The following SLC22A25 variants were observed in gnomAD, a reference collection of about 807,000 sequenced individuals.
The protein encoded by SLC22A25 is solute carrier family 22 member 25.
A neutral mutation model predicts 45.9 loss-of-function variants in SLC22A25; 44 were observed. The ratio of observed to expected loss-of-function variants is 0.96; its 90% confidence interval spans 0.75 to 1.23. The LOEUF is 1.23. Ranked by LOEUF, SLC22A25 falls within the 50% of genes most tolerant of loss-of-function variation. The pLI, the probability that SLC22A25 is intolerant of heterozygous loss-of-function variation, is 0.00. For missense variants in SLC22A25, 800 were observed against 666.4 expected (o/e 1.20, Z -2.21); for synonymous variants, 283 against 238.6 (o/e 1.19, Z -1.72).
At position 63,162,048 on chromosome 11, in the gene SLC22A25, T is replaced by C. The variant is rs543638265; in HGVS notation, c.*1776A>G. On this transcript the variant is annotated 3_prime_UTR_variant, in exon 12 of 12. Transcript: ENST00000306494. ...GATGTTCAGCACTTTTTCCTATGAC[T>C]GTTTGACATCTGTATGTCTTCTTTT... Among the ~76,000 whole-genome samples, 1 of 152,342 alleles carries C rather than the reference T, an allele frequency of 6.6e-6. No homozygotes were observed. Among genetic ancestry groups the C allele is most frequent in the East Asian group, 1.9e-4 (1 of 5,192 alleles).
intron 9 of SLC22A25, among the ~76,000 whole-genome samples, chr11:63,179,853 A>C (rs1402417056): frequency 6.6e-6 from 1 of 152,126 alleles, no homozygotes; most frequent in Non-Finnish European, 1.5e-5. Flanking sequence ...GACCTTAGGC[A>C]TCCAAATATG....
intron 7 of SLC22A25, among the ~76,000 whole-genome samples, chr11:63,195,737 C>G (rs2089000993): frequency 6.6e-6 from 1 of 152,008 alleles, no homozygotes; most frequent in Non-Finnish European, 1.5e-5. Flanking sequence ...TAGCAGAAGG[C>G]AAGAAATAAC....
At chr11:63,180,558 AT>A in intron 9 of SLC22A25, 101 bp downstream of exon 9, 1 of 787,368 alleles carries the variant, frequency 1.3e-6, no homozygotes, top group Non-Finnish European at 2.0e-6. Flanking sequence ...ATCATCTTTT[AT>A]CCCCCAAATA....
chr11:63,236,278 T>C (rs1365931125), intron 3 of SLC22A25, among the ~76,000 whole-genome samples: 1 of 152,182 alleles, frequency 6.6e-6, no homozygotes, highest in African/African-American at 2.4e-5. Flanking sequence ...CCTTGAGATG[T>C]GGTGGGCTCC....
chr11:63,164,747 C>T, intron 10 of SLC22A25, 113 bp from the exon 11 acceptor site: 1 of 800,834 alleles, frequency 1.2e-6, no homozygotes, highest in Non-Finnish European at 2.1e-6. Flanking sequence ...GTAAAATGTA[C>T]TGTAGGAAAA....
intron 5 of SLC22A25, among the ~76,000 whole-genome samples, chr11:63,227,918 G>A (rs1370331821): frequency 6.6e-6 from 1 of 152,194 alleles, no homozygotes; most frequent in Non-Finnish European, 1.5e-5. Flanking sequence ...TGGCAGCACT[G>A]AGTCCCAATG....
chr11:63,183,652 A>C lies in SLC22A25; in HGVS notation c.954+42T>G, dbSNP rs11820377. ...CACCAACAAGTATAGATGACAATTT[A>C]TGTCTTCCCAGCATCCCATATCCAG... On this transcript the variant is annotated intron_variant, in intron 8 of 11. Coordinates refer to ENST00000306494, the MANE Select transcript of SLC22A25 (RefSeq NM_199352.6). 8.1e-6 allele frequency: 13 copies of C among 1,610,098 alleles called. 1 individual carries two copies. The highest frequency in any genetic ancestry group is 2.2e-5 in the South Asian group (2 of 90,642).
At chr11:63,188,596 T>G (rs1220110350) in intron 7 of SLC22A25, among the ~76,000 whole-genome samples, 1 of 152,178 alleles carries the variant, frequency 6.6e-6, no homozygotes, top group Non-Finnish European at 1.5e-5. Flanking sequence ...AGCTTTTGAA[T>G]GTGTTTGCTC....
intron 7 of SLC22A25, among the ~76,000 whole-genome samples, chr11:63,215,911 C>T (rs1037354382): frequency 6.6e-6 from 1 of 152,288 alleles, no homozygotes; most frequent in Non-Finnish European, 1.5e-5. Context: ...GGATGATACC[C>T]TCCAGCTCCA....
At position 63,217,456 on chromosome 11, in the gene SLC22A25, AGAATTGGT is replaced by A; in HGVS notation, c.680_687del (p.His227LeufsTer13). 1 of 1,614,110 alleles carries A rather than the reference AGAATTGGT, an allele frequency of 6.2e-7. No individual in the cohort carries two copies. Among genetic ancestry groups the A allele is most frequent in the South Asian group, 1.1e-5 (1 of 91,086 alleles). On this transcript the variant is annotated frameshift_variant, in exon 7 of 12. Transcript: ENST00000306494. LOFTEE classifies it high-confidence loss of function. ...AGTGTCAATGTCAATGCCATGGCAC[AGAATTGGT>A]GAGTTATCCACTCTACAACTGAAAG...
At chr11:63,220,117 G>T in intron 5 of SLC22A25, 3 of 849,740 alleles carry the variant, frequency 3.5e-6, no homozygotes, top group Non-Finnish European at 5.1e-6. Context: ...CTTACCTTTT[G>T]TTGTAAGGTA....
In SLC22A25 at chr11:63,160,270, T is replaced by C. The variant is rs1451666001; in HGVS notation, c.*3554A>G. On this transcript the variant is annotated 3_prime_UTR_variant, in exon 12 of 12. Transcript: ENST00000306494. ...GGCCTGGAGGCCTAGGAGGTCCAGG[T>C]GCCCCTGCTGTGTGCAGCCTTAGTG... Among the ~76,000 whole-genome samples, 1 of 152,104 alleles carries C rather than the reference T, an allele frequency of 6.6e-6. No homozygotes were observed. The highest frequency in any genetic ancestry group is 6.6e-5 in the Admixed American group (1 of 15,252).
intron 7 of SLC22A25, among the ~76,000 whole-genome samples, chr11:63,189,648 T>G (rs1374760460): frequency 6.6e-6 from 1 of 152,216 alleles, no homozygotes; most frequent in Non-Finnish European, 1.5e-5. Context: ...ATCGATGGTC[T>G]TTACAATTTG....
chr11:63,171,417 T>C (rs1448924075), intron 9 of SLC22A25, among the ~76,000 whole-genome samples: 1 of 152,202 alleles, frequency 6.6e-6, no homozygotes, highest in African/African-American at 2.4e-5. Context: ...CCCCATCATC[T>C]CAGCCCCAAA....
intron 7 of SLC22A25, among the ~76,000 whole-genome samples, chr11:63,212,703 AATG>A (rs1265436813): frequency 6.6e-6 from 1 of 151,812 alleles, no homozygotes; most frequent in Non-Finnish European, 1.5e-5. Context: ...CCTAATGTTA[AATG>A]ATGAGTTAAT....
chr11:63,231,410 A>G lies in SLC22A25; in HGVS notation c.-444-1314T>C, dbSNP rs575424500. On this transcript the variant is annotated intron_variant, in intron 3 of 11. Coordinates refer to ENST00000306494, the MANE Select transcript of SLC22A25 (RefSeq NM_199352.6). ...ATTTCTCTGATGGCCAGTGGTGATG[A>G]GCATTTTTTCATGTGTCTTTTGACT... Among the ~76,000 whole-genome samples the G allele has an allele frequency of 1.8e-3, 270 of 152,322 alleles. 4 individuals are homozygous for G. Among genetic ancestry groups the G allele is most frequent in the African/African-American group, 5.7e-3 (235 of 41,568 alleles).
chr11:63,204,065 A>T (rs1415995196), intron 7 of SLC22A25, among the ~76,000 whole-genome samples: 1 of 152,218 alleles, frequency 6.6e-6, no homozygotes, highest in East Asian at 1.9e-4. Context: ...ACTAAGCTTC[A>T]TAATTGAAGG....
chr11:63,224,118 T>C (rs1233628857), intron 5 of SLC22A25, among the ~76,000 whole-genome samples: 1 of 152,156 alleles, frequency 6.6e-6, no homozygotes, highest in African/African-American at 2.4e-5. Context: ...AATATTTTCT[T>C]TATGTATCTG....
At chr11:63,208,861 G>A (rs1250050067) in intron 7 of SLC22A25, among the ~76,000 whole-genome samples, 1 of 152,126 alleles carries the variant, frequency 6.6e-6, no homozygotes, top group Non-Finnish European at 1.5e-5. Flanking sequence ...CACGTTCCTG[G>A]CTAAGCAGCA....
Sources: allele counts gnomAD v4.1 joint callset (sites outside exome capture counted in the v4.1 genomes callset), GRCh38; gene constraint gnomAD v4.1.1; transcripts MANE v1.5; gene names NCBI Gene and HGNC (gene_info 2026-07-23, HGNC 2026-07-21).